Variants in FCER2 observed in about 807,000 individuals in gnomAD.
The protein encoded by FCER2 is Fc epsilon receptor II, also known as low affinity immunoglobulin epsilon Fc receptor.
Under a neutral mutation model 49.7 loss-of-function variants are expected in FCER2, and 38 were observed. The observed-to-expected ratio is 0.76, with a 90% CI of 0.59 to 1.00. The LOEUF is 1.00. Ranked by LOEUF, FCER2 falls within the 50% of genes least tolerant of loss-of-function variation. The pLI is 0.00. For synonymous variants in FCER2, 163 were observed against 164.6 expected (o/e 0.99, Z 0.07); for missense variants, 425 against 419.5 (o/e 1.01, Z -0.11).
Position 7,689,052 on chromosome 19 carries a change from G to C in FCER2, c.*141C>G. 1.6e-6 allele frequency: 1 copy of C among 640,114 alleles called. No individual in the cohort carries two copies. The highest frequency in any genetic ancestry group is 2.7e-5 in the Admixed American group (1 of 37,172). The allele number at this position is 640,114 out of a possible 1,614,324, so 39.7% of individuals were successfully genotyped here. A position where few individuals can be genotyped will look rare whatever the true frequency, so the allele number is the denominator to read the frequency against. ...GGGGTGTACTCCTGGGAAGGCAGGGGCCATAGAGGAGCGGGAGATGTGTCA... is the reference window on the plus strand; with the variant it reads ...GGGGTGTACTCCTGGGAAGGCAGGGCCCATAGAGGAGCGGGAGATGTGTCA... On this transcript the variant is annotated 3_prime_UTR_variant, in exon 11 of 11. Transcript: ENST00000597921.
intron 8 of FCER2, among the ~76,000 whole-genome samples, chr19:7,692,291 C>T (rs2032899409): frequency 7.4e-6 from 1 of 134,952 alleles, no homozygotes; most frequent in Non-Finnish European, 1.6e-5. Context: ...CATCAACCAC[C>T]AACACCATCA....
intron 8 of FCER2, among the ~76,000 whole-genome samples, chr19:7,692,604 C>T (rs2032911662): frequency 6.8e-6 from 1 of 147,300 alleles, no homozygotes; most frequent in South Asian, 2.1e-4. Context: ...AAACACCTTA[C>T]AGCCAGCAGA....
chr19:7,690,896 C>T (rs920007076), intron 8 of FCER2, among the ~76,000 whole-genome samples: 9 of 152,008 alleles, frequency 5.9e-5, no homozygotes, highest in Non-Finnish European at 2.9e-5. Flanking sequence ...ACCACACATT[C>T]ATGTCCAATA....
chr19:7,698,536 G>T, intron 3 of FCER2, 127 bp from the exon 4 acceptor site: 1 of 914,966 alleles, frequency 1.1e-6, no homozygotes, highest in Non-Finnish European at 1.7e-6. Flanking sequence ...AAGTGTGGAG[G>T]ACAGGGATGC....
intron 8 of FCER2, among the ~76,000 whole-genome samples, chr19:7,692,212 G>A (rs113205638): frequency 7.0e-3 from 809 of 114,836 alleles, no homozygotes; most frequent in African/African-American, 0.028. Context: ...ATCACCACGA[G>A]CACATTCATG....
At chr19:7,696,096 G>T (rs1171849648) in intron 8 of FCER2, among the ~76,000 whole-genome samples, 1 of 151,252 alleles carries the variant, frequency 6.6e-6, no homozygotes, top group Non-Finnish European at 1.5e-5. Flanking sequence ...ACCACACCCG[G>T]TTAATTTTTT....
At chr19:7,690,367 C>T (rs375114070) in intron 9 of FCER2, 39 bp downstream of exon 9, 27 of 1,608,406 alleles carry the variant, frequency 1.7e-5, no homozygotes, top group African/African-American at 5.3e-5. Context: ...CCCCCACCCT[C>T]GCCATGCTGC....
In FCER2 at chr19:7,698,440, G is replaced by C. The variant is rs573349509; in HGVS notation, c.137-31C>G. 19 of 1,562,430 alleles carry C rather than the reference G, an allele frequency of 1.2e-5. 1 individual carries two copies. In the Admixed American group the frequency reaches 2.9e-4, roughly 24 times the overall value. ...GAGGGGGAGAGAAGAGGAGTGGAGA[G>C]GGGGGATTGTCAGTGCCCCCACCTG... On this transcript the variant is annotated intron_variant, in intron 3 of 10. Transcript: ENST00000597921.
intron 8 of FCER2, 85 bp from the exon 9 acceptor site, chr19:7,690,642 G>C: frequency 7.1e-7 from 1 of 1,404,324 alleles, no homozygotes; most frequent in South Asian, 1.3e-5. Context: ...ACCCCTCCTA[G>C]GGCCACTCCT....
intron 4 of FCER2, among the ~76,000 whole-genome samples, chr19:7,697,934 A>G (rs1387659256): frequency 6.6e-6 from 1 of 152,200 alleles, no homozygotes; most frequent in East Asian, 1.9e-4. Flanking sequence ...CTTACACTAC[A>G]GATGCTTAAG....
chr19:7,696,630 C>T (rs776696946), intron 8 of FCER2, 195 bp downstream of exon 8: 54 of 594,728 alleles, frequency 9.1e-5, no homozygotes, highest in Non-Finnish European at 1.5e-4. Context: ...TCCGTCATCA[C>T]GCACACCTCT....
At chr19:7,695,777 C>T (rs1445159703) in intron 8 of FCER2, among the ~76,000 whole-genome samples, 5 of 151,910 alleles carry the variant, frequency 3.3e-5, no homozygotes, top group Non-Finnish European at 5.9e-5. Context: ...ATTAGCCTGG[C>T]GTGGTGGCAC....
At position 7,698,389 on chromosome 19, in the gene FCER2, G is replaced by A. The variant is rs2033073184; in HGVS notation, c.157C>T (p.Leu53=). Residue 53 remains leucine (L), a synonymous_variant, in exon 4 of 11, where the codon CTA becomes TTA. Transcript: ENST00000597921. ...GCAGCCCTCTCTTCCAGCTGTTTTA[G>A]ACTCTGTGTGGTGTCCCAGTCTGGG... ...LLWHWDTTQS[L]KQLEERAARN... The A allele has an allele frequency of 6.2e-7, 1 of 1,612,572 alleles. No individual in the cohort carries two copies. Among genetic ancestry groups the A allele is most frequent in the South Asian group, 1.1e-5 (1 of 90,902 alleles).
At position 7,699,769 on chromosome 19, in the gene FCER2, T is replaced by C; in HGVS notation, c.-9A>G. ...TATTGACCTTCCTCCATGGCGGTCCTGCTTGGATTCTCCCGATGATGGAGC... is the reference window on the plus strand; with the variant it reads ...TATTGACCTTCCTCCATGGCGGTCCCGCTTGGATTCTCCCGATGATGGAGC... On this transcript the variant is annotated 5_prime_UTR_variant, in exon 2 of 11. Coordinates refer to ENST00000597921, the MANE Select transcript of FCER2 (RefSeq NM_001220500.2). The C allele has an allele frequency of 6.2e-7, 1 of 1,613,740 alleles. No individual in the cohort carries two copies. Among genetic ancestry groups the C allele is most frequent in the East Asian group, 2.2e-5 (1 of 44,864 alleles).
Position 7,691,299 on chromosome 19 carries a change from C to A in FCER2, c.470-742G>T, listed in dbSNP as rs539278295. 2.0e-5 allele frequency among the ~76,000 whole-genome samples: 3 copies of A among 152,244 alleles called. No individual in the cohort carries two copies. The East Asian group carries it at 5.8e-4, about 29-fold the overall frequency. On this transcript the variant is annotated intron_variant, in intron 8 of 10. Transcript: ENST00000597921. ...AGTTGTCATTATAATCACCTTAAAT[C>A]CACCACGGCTTGGGAACTCTTCAGT...
Position 7,690,495 on chromosome 19 carries a change from C to T in FCER2, c.532G>A (p.Gly178Ser), listed in dbSNP as rs911429952. 10 of 1,613,984 alleles carry T rather than the reference C, an allele frequency of 6.2e-6. No individual in the cohort carries two copies. Among genetic ancestry groups the T allele is most frequent in the East Asian group, 2.2e-5 (1 of 44,894 alleles). The change falls in exon 9 of 11, where the codon GGC (glycine) becomes AGC (serine). Residue 178 changes from glycine to serine, a missense_variant. Gly to Ser is a moderately conservative substitution (Grantham distance 56). Coordinates refer to ENST00000597921, the MANE Select transcript of FCER2 (RefSeq NM_001220500.2). ...TGGACCCACTGCTTGGTGCCCTTGC[C>T]GAAGTAGTAGCACTTCCGTTGGAAA... ...INFQRKCYYF[G>S]KGTKQWVHAR... is the part of the protein sequence containing the mutation.
intron 8 of FCER2, among the ~76,000 whole-genome samples, chr19:7,695,565 C>T (rs576636604): frequency 6.6e-6 from 1 of 152,190 alleles, no homozygotes; most frequent in East Asian, 1.9e-4. Flanking sequence ...TGCTGGAGCC[C>T]AGGAGTTCAG....
rs2033037082 is a variant in FCER2, at chr19:7,697,137, C to T, written c.317-62G>A. 8 of 1,607,438 alleles carry T rather than the reference C, an allele frequency of 5.0e-6. No homozygotes were observed. In the East Asian group the frequency reaches 1.8e-4, roughly 36 times the overall value. On this transcript the variant is annotated intron_variant, in intron 6 of 10. Transcript: ENST00000597921. ...GGATGTGTACAGGCCGAGGGTGCCC[C>T]CCAAGCCTGGCCCCCCAGCCTCGTG...
chr19:7,692,108 T>C (rs564187150), intron 8 of FCER2, among the ~76,000 whole-genome samples: 2 of 72,406 alleles, frequency 2.8e-5, no homozygotes, highest in African/African-American at 1.7e-4. Flanking sequence ...CCAACACCAT[T>C]GTCATGAACA....
Sources: allele counts gnomAD v4.1 joint callset (sites outside exome capture counted in the v4.1 genomes callset), GRCh38; gene constraint gnomAD v4.1.1; transcripts MANE v1.5; gene names NCBI Gene and HGNC (gene_info 2026-07-23, HGNC 2026-07-21).